The following UGT1A8 variants were observed in gnomAD, a reference collection of about 807,000 sequenced individuals.
The protein encoded by UGT1A8 is UDP glucuronosyltransferase family 1 member A8.
A neutral mutation model predicts 45.3 loss-of-function variants in UGT1A8; 39 were observed. The ratio of observed to expected loss-of-function variants is 0.86; its 90% CI spans 0.67 to 1.12. The LOEUF (loss-of-function observed/expected upper bound fraction) is 1.12, where lower values mean the gene tolerates loss of function less well. Among genes scored for constraint, UGT1A8 ranks in the 50% most tolerant of loss-of-function variants. The pLI is 0.00. For synonymous variants in UGT1A8, 275 were observed against 249.2 expected (o/e 1.10, Z -0.97); for missense variants, 719 against 664.9 (o/e 1.08, Z -0.90).
At chr2:233,691,270 C>T (rs2075035586) in intron 1 of UGT1A8, 4 of 985,548 alleles carry the variant, frequency 4.1e-6, no homozygotes, top group Non-Finnish European at 4.8e-6. Flanking sequence ...GCTGCCGCCC[C>T]CATGACTTTG....
Position 233,648,770 on chromosome 2 carries a change from C to A in UGT1A8, c.855+30208C>A. The A allele has an allele frequency of 6.4e-6, 5 of 779,578 alleles. 1 individual carries two copies. The highest frequency in any genetic ancestry group is 6.2e-5 in the South Asian group (4 of 64,146). 48.3% of individuals were successfully genotyped at this position (779,578 alleles called of 1,614,324 possible). ...TGAGCCACCACACCCAGCCTGGATG[C>A]CATGACTTTTAAGGAGAGAGTAAGG... On this transcript the variant is annotated intron_variant, in intron 1 of 4. Transcript: ENST00000373450.
intron 1 of UGT1A8, among the ~76,000 whole-genome samples, chr2:233,690,261 AT>A (rs1364887580): frequency 1.3e-5 from 2 of 152,134 alleles, no homozygotes; most frequent in Admixed American, 6.6e-5. Context: ...AGTCTCAAAC[AT>A]TTTGCAGGTC....
chr2:233,618,382 A>C lies in UGT1A8; in HGVS notation c.675A>C (p.Lys225Asn). ...EEHLFCQYFS[K>N]NALEIASEIL... Reference sequence around the variant, plus strand: ...ATTTATTTTGCCAGTATTTTTCCAAAAATGCCCTAGAAATAGCCTCTGAAA... The same window carrying C: ...ATTTATTTTGCCAGTATTTTTCCAACAATGCCCTAGAAATAGCCTCTGAAA... The change falls in exon 1 of 5, where the codon AAA (lysine) becomes AAC (asparagine). Residue 225 changes from lysine to asparagine, a missense_variant. Lys to Asn is a moderately conservative substitution (Grantham distance 94). Coordinates refer to ENST00000373450, the MANE Select transcript of UGT1A8 (RefSeq NM_019076.5). The C allele has an allele frequency of 6.2e-7, 1 of 1,613,898 alleles. No homozygotes were observed.
intron 1 of UGT1A8, among the ~76,000 whole-genome samples, chr2:233,634,409 T>G (rs1178994060): frequency 6.6e-6 from 1 of 152,154 alleles, no homozygotes; most frequent in African/African-American, 2.4e-5. Flanking sequence ...GACAATGGAG[T>G]GTTAAAGTCT....
At chr2:233,622,243 C>T (rs1342054307) in intron 1 of UGT1A8, among the ~76,000 whole-genome samples, 2 of 152,120 alleles carry the variant, frequency 1.3e-5, no homozygotes, top group Non-Finnish European at 2.9e-5. Flanking sequence ...TGGGTATATA[C>T]CCAGTAATGG....
chr2:233,689,795 T>C (rs1559343823), intron 1 of UGT1A8: 2 of 430,076 alleles, frequency 4.7e-6, no homozygotes, highest in Non-Finnish European at 9.2e-6. Context: ...ATGTGATCTG[T>C]AGTTTCTATA....
At chr2:233,749,420 T>C (rs1003222005) in intron 1 of UGT1A8, among the ~76,000 whole-genome samples, 1 of 151,886 alleles carries the variant, frequency 6.6e-6, no homozygotes, top group Admixed American at 6.5e-5. Flanking sequence ...ACTACATTGC[T>C]CAAAACTTCA....
intron 1 of UGT1A8, chr2:233,747,639 G>A: frequency 6.3e-7 from 1 of 1,582,892 alleles, no homozygotes; most frequent in East Asian, 2.2e-5. Context: ...GCACCTGAAT[G>A]CTACTTCCTT....
At chr2:233,713,195 C>T in intron 1 of UGT1A8, 4 of 1,614,230 alleles carry the variant, frequency 2.5e-6, no homozygotes, top group South Asian at 2.2e-5. Flanking sequence ...TGAATATGTA[C>T]ATCAAAGAAG....
chr2:233,668,191 G>GCTATC (rs2074116052), intron 1 of UGT1A8, among the ~76,000 whole-genome samples: 1 of 152,064 alleles, frequency 6.6e-6, no homozygotes, highest in South Asian at 2.1e-4. Context: ...TTTTCCTAAT[G>GCTATC]CTATCCCTCC....
intron 1 of UGT1A8, among the ~76,000 whole-genome samples, chr2:233,714,209 C>A (rs1186715903): frequency 6.6e-6 from 1 of 152,132 alleles, no homozygotes; most frequent in Non-Finnish European, 1.5e-5. Flanking sequence ...ACTGATCCAT[C>A]CAATCTTGCT....
intron 1 of UGT1A8, chr2:233,755,812 A>C (rs1456850451): frequency 6.6e-6 from 1 of 152,248 alleles, no homozygotes; most frequent in African/African-American, 2.4e-5. Context: ...ATTAAAACAG[A>C]ATTAAAAAGA....
chr2:233,741,972 T>G (rs888756569), intron 1 of UGT1A8: 7 of 151,906 alleles, frequency 4.6e-5, no homozygotes, highest in African/African-American at 1.7e-4. Context: ...GTGTTTATGG[T>G]GCCTCACCCA....
At chr2:233,689,916 G>A (rs1315837449) in intron 1 of UGT1A8, 1 of 456,658 alleles carries the variant, frequency 2.2e-6, no homozygotes, top group Admixed American at 2.3e-5. Flanking sequence ...TAGGTGCCTG[G>A]AATTTCCTTC....
intron 1 of UGT1A8, among the ~76,000 whole-genome samples, chr2:233,679,014 G>A (rs1185590717): frequency 6.6e-6 from 1 of 152,178 alleles, no homozygotes; most frequent in African/African-American, 2.4e-5. Flanking sequence ...ATCTTCAGTG[G>A]TGTAATCCTT....
chr2:233,637,515 G>A (rs565498991), intron 1 of UGT1A8: 98 of 1,464,728 alleles, frequency 6.7e-5, no homozygotes, highest in African/African-American at 1.1e-4. Flanking sequence ...TATTTTGTGC[G>A]AATTCATGTA....
At chr2:233,632,790 G>A (rs1341133867) in intron 1 of UGT1A8, among the ~76,000 whole-genome samples, 1 of 152,110 alleles carries the variant, frequency 6.6e-6, no homozygotes, top group South Asian at 2.1e-4. Flanking sequence ...GAGACAATTT[G>A]ACTTTCTCTC....
chr2:233,762,827 TA>T (rs922323260), intron 1 of UGT1A8, among the ~76,000 whole-genome samples: 2 of 152,162 alleles, frequency 1.3e-5, no homozygotes, highest in African/African-American at 2.4e-5. Flanking sequence ...ATTTTCATAA[TA>T]AAAAATAATA....
chr2:233,703,754 A>G (rs894644041), intron 1 of UGT1A8, among the ~76,000 whole-genome samples: 2 of 152,118 alleles, frequency 1.3e-5, no homozygotes, highest in Non-Finnish European at 2.9e-5. Context: ...TCTCAAATGT[A>G]TCTTCTGCAG....
Sources: allele counts gnomAD v4.1 joint callset (sites outside exome capture counted in the v4.1 genomes callset), GRCh38; gene constraint gnomAD v4.1.1; transcripts MANE v1.5; gene names NCBI Gene and HGNC (gene_info 2026-07-23, HGNC 2026-07-21).